CNTNAP2: variants seen among roughly 807,000 people sequenced by gnomAD.
CNTNAP2 encodes contactin-associated protein-like 2.
In CNTNAP2, 98 loss-of-function variants were observed where a neutral mutation model predicts 155.2. The ratio of observed to expected loss-of-function variants is 0.63; its 90% CI spans 0.54 to 0.75. The LOEUF (loss-of-function observed/expected upper bound fraction) is 0.75, where lower values mean the gene tolerates loss of function less well. Ranked by LOEUF, CNTNAP2 falls within the 30% of genes least tolerant of loss-of-function variation. The pLI, the probability that CNTNAP2 is intolerant of heterozygous loss-of-function variation, is 0.00. For missense variants in CNTNAP2, 1,727 were observed against 1,688.1 expected, an observed-to-expected ratio of 1.02 and a Z score of -0.40; for synonymous variants, 651 against 631.2, an observed-to-expected ratio of 1.03 and a Z score of -0.47.
At chr7:147,036,848 CT>C (rs1399937354) in intron 3 of CNTNAP2, among the ~76,000 whole-genome samples, 1 of 152,024 alleles carries the variant, frequency 6.6e-6, no homozygotes, top group African/African-American at 2.4e-5. Flanking sequence ...AGCTGTGTAT[CT>C]TTTTTTCCTT....
At chr7:148,315,793 G>T (rs1195984838) in intron 21 of CNTNAP2, among the ~76,000 whole-genome samples, 3 of 152,076 alleles carry the variant, frequency 2.0e-5, no homozygotes, top group African/African-American at 4.8e-5. Context: ...AATGTGCTTG[G>T]GTTTTATAAG....
intron 13 of CNTNAP2, among the ~76,000 whole-genome samples, chr7:147,752,828 A>G (rs544263733): frequency 1.3e-5 from 2 of 152,260 alleles, no homozygotes; most frequent in South Asian, 2.1e-4. Context: ...TTTGAATAGT[A>G]TTTTGCTATA....
intron 4 of CNTNAP2, among the ~76,000 whole-genome samples, chr7:147,078,116 G>A (rs1032957084): frequency 1.3e-5 from 2 of 152,124 alleles, no homozygotes; most frequent in East Asian, 1.9e-4. Flanking sequence ...TAGATTGATA[G>A]ATATTTTTCA....
chr7:147,622,772 A>C (rs892273489), intron 12 of CNTNAP2, among the ~76,000 whole-genome samples: 2 of 152,082 alleles, frequency 1.3e-5, no homozygotes, highest in Non-Finnish European at 2.9e-5. Flanking sequence ...GAAAGAAATA[A>C]TAAAGATCAG....
intron 3 of CNTNAP2, among the ~76,000 whole-genome samples, chr7:146,918,106 G>A (rs1796430458): frequency 6.6e-6 from 1 of 152,122 alleles, no homozygotes; most frequent in African/African-American, 2.4e-5. Flanking sequence ...GAAGACAGCA[G>A]CTACTTGGTT....
At chr7:146,823,806 T>A (rs1803345349) in intron 2 of CNTNAP2, among the ~76,000 whole-genome samples, 1 of 152,064 alleles carries the variant, frequency 6.6e-6, no homozygotes, top group African/African-American at 2.4e-5. Context: ...CCCATTTTTT[T>A]ATGGCTGAAT....
chr7:148,200,492 T>G (rs1795351850), intron 18 of CNTNAP2, among the ~76,000 whole-genome samples: 1 of 151,626 alleles, frequency 6.6e-6, no homozygotes, highest in Admixed American at 6.6e-5. Flanking sequence ...ACTCCTGGGC[T>G]CAAGCAATCC....
chr7:146,644,805 C>T (rs1799780982), intron 1 of CNTNAP2, among the ~76,000 whole-genome samples: 1 of 152,088 alleles, frequency 6.6e-6, no homozygotes, highest in Admixed American at 6.5e-5. Flanking sequence ...TCTGAATAGA[C>T]CAAGAACAGG....
At chr7:148,132,456 T>A (rs140643609) in intron 16 of CNTNAP2, among the ~76,000 whole-genome samples, 2 of 152,162 alleles carry the variant, frequency 1.3e-5, no homozygotes, top group African/African-American at 4.8e-5. Flanking sequence ...TCTGATCTAG[T>A]TGTTCAGAAC....
chr7:146,256,725 C>G (rs1198784002), intron 1 of CNTNAP2, among the ~76,000 whole-genome samples: 1 of 151,926 alleles, frequency 6.6e-6, no homozygotes, highest in Non-Finnish European at 1.5e-5. Context: ...CTTTCTTTTA[C>G]CCATAAAATC....
chr7:146,229,667 C>CT (rs1285406413), intron 1 of CNTNAP2, among the ~76,000 whole-genome samples: 3 of 151,874 alleles, frequency 2.0e-5, no homozygotes, highest in Admixed American at 6.6e-5. Context: ...ATGTATTCAT[C>CT]TTTTGGTAGT....
At chr7:146,483,326 T>TATATACATAC (rs1554439604) in intron 1 of CNTNAP2, among the ~76,000 whole-genome samples, 4 of 79,260 alleles carry the variant, frequency 5.0e-5, no homozygotes, top group East Asian at 2.9e-4. Context: ...TATATATATA[T>TATATACATAC]ATACATATAT....
chr7:148,083,446 A>T (rs1803655700), intron 15 of CNTNAP2, among the ~76,000 whole-genome samples: 1 of 152,098 alleles, frequency 6.6e-6, no homozygotes, highest in Admixed American at 6.6e-5. Context: ...CGAGGGTGGG[A>T]GTGAAGAATT....
intron 1 of CNTNAP2, among the ~76,000 whole-genome samples, chr7:146,290,265 A>G (rs552299561): frequency 1.4e-4 from 22 of 152,264 alleles, no homozygotes; most frequent in African/African-American, 5.3e-4. Flanking sequence ...CAGCATGACA[A>G]TGAACCTTAG....
At chr7:146,974,401 G>T (rs1216438628) in intron 3 of CNTNAP2, among the ~76,000 whole-genome samples, 1 of 151,458 alleles carries the variant, frequency 6.6e-6, no homozygotes, top group African/African-American at 2.4e-5. Context: ...TCATGCCATT[G>T]CACTCCAGCC....
chr7:146,158,569 C>T (rs181676789), intron 1 of CNTNAP2, among the ~76,000 whole-genome samples: 39 of 152,242 alleles, frequency 2.6e-4, no homozygotes, highest in African/African-American at 9.4e-4. Context: ...AAGCTGAAAA[C>T]CACGGCATGA....
intron 15 of CNTNAP2, among the ~76,000 whole-genome samples, chr7:148,026,762 C>A (rs1454749313): frequency 1.3e-5 from 2 of 152,112 alleles, no homozygotes; most frequent in Admixed American, 1.3e-4. Context: ...AGTTAGAACC[C>A]TAATCCTCTT....
chr7:146,176,677 G>A (rs555045700), intron 1 of CNTNAP2, among the ~76,000 whole-genome samples: 10 of 152,216 alleles, frequency 6.6e-5, no homozygotes, highest in South Asian at 6.2e-4. Context: ...AGCTGCCGGA[G>A]ATTCAATAGA....
intron 3 of CNTNAP2, among the ~76,000 whole-genome samples, chr7:146,864,600 A>G (rs1351193956): frequency 6.6e-6 from 1 of 152,188 alleles, no homozygotes; most frequent in Non-Finnish European, 1.5e-5. Flanking sequence ...AAACAGAAGC[A>G]TAAAGATTGG....
Sources: gnomAD v4.1 joint callset for allele counts (sites outside exome capture counted in the v4.1 genomes callset) on GRCh38, gnomAD v4.1.1 for gene constraint, MANE v1.5 for transcripts, NCBI Gene and HGNC (gene_info 2026-07-23, HGNC 2026-07-21) for gene names.